Variants in C8orf34 observed in about 807,000 individuals in gnomAD.
C8orf34 encodes chromosome 8 open reading frame 34, also known as uncharacterized protein C8orf34.
In C8orf34, 65 loss-of-function variants were observed where a neutral mutation model predicts 68.3. That is an observed-to-expected ratio of 0.95 (90% CI 0.78 to 1.17). The LOEUF is 1.17. C8orf34 is among the 50% of genes most tolerant of loss of function. The pLI, the probability that C8orf34 is intolerant of heterozygous loss-of-function variation, is 0.00. For synonymous variants in C8orf34, 244 were observed against 241.2 expected (o/e 1.01, Z -0.11); for missense variants, 664 against 655.4 (o/e 1.01, Z -0.14).
intron 1 of C8orf34, among the ~76,000 whole-genome samples, chr8:68,433,686 G>C (rs1220623391): frequency 6.6e-6 from 1 of 152,174 alleles, no homozygotes; most frequent in Non-Finnish European, 1.5e-5. Flanking sequence ...CAGGAATATT[G>C]TGTACAAATC....
At chr8:68,581,097 A>T (rs1817051090) in intron 7 of C8orf34, among the ~76,000 whole-genome samples, 1 of 152,130 alleles carries the variant, frequency 6.6e-6, no homozygotes, top group African/African-American at 2.4e-5. Context: ...ATGCATATAC[A>T]TTTATTTAAT....
chr8:68,743,655 C>T (rs967580613), intron 10 of C8orf34, among the ~76,000 whole-genome samples: 4 of 152,186 alleles, frequency 2.6e-5, no homozygotes, highest in Non-Finnish European at 5.9e-5. Flanking sequence ...CACTCCCACC[C>T]GAATACTGCG....
chr8:68,768,588 A>G (rs969394169), intron 10 of C8orf34, among the ~76,000 whole-genome samples: 1 of 152,218 alleles, frequency 6.6e-6, no homozygotes, highest in African/African-American at 2.4e-5. Context: ...AGAATATCTC[A>G]TAATAACTCA....
chr8:68,787,300 A>C, intron 11 of C8orf34, 143 bp from the exon 12 acceptor site: 1 of 509,996 alleles, frequency 2.0e-6, no homozygotes, highest in Non-Finnish European at 3.5e-6. Context: ...ATGAATTTAA[A>C]GTTAGAGCTC....
intron 10 of C8orf34, among the ~76,000 whole-genome samples, chr8:68,741,348 T>C (rs552468544): frequency 6.6e-6 from 1 of 152,320 alleles, no homozygotes; most frequent in East Asian, 1.9e-4. Context: ...TGTGGGTACA[T>C]TGGTGGATAT....
intron 10 of C8orf34, among the ~76,000 whole-genome samples, chr8:68,745,382 T>C (rs1822454141): frequency 1.3e-5 from 2 of 151,764 alleles, no homozygotes; most frequent in South Asian, 4.2e-4. Context: ...TCACATATAA[T>C]AATATTACCT....
intron 1 of C8orf34, among the ~76,000 whole-genome samples, chr8:68,436,408 G>A (rs927992430): frequency 6.6e-6 from 1 of 152,168 alleles, no homozygotes; most frequent in African/African-American, 2.4e-5. Context: ...TAACTAGCCT[G>A]TGAGTGCACA....
intron 7 of C8orf34, among the ~76,000 whole-genome samples, chr8:68,560,144 GTTT>G (rs56070682): frequency 0.19 from 27,614 of 144,030 alleles, 2,999 homozygotes; most frequent in African/African-American, 0.31. Flanking sequence ...TGATTCTGGT[GTTT>G]TTTTTTTTTT....
chr8:68,610,198 T>C (rs1351361127), intron 7 of C8orf34, among the ~76,000 whole-genome samples: 1 of 152,202 alleles, frequency 6.6e-6, no homozygotes, highest in Non-Finnish European at 1.5e-5. Context: ...GTTTTTAGTA[T>C]GCAGTTCAGT....
At chr8:68,386,687 AC>A (rs1808276255) in intron 1 of C8orf34, among the ~76,000 whole-genome samples, 1 of 152,128 alleles carries the variant, frequency 6.6e-6, no homozygotes, top group Non-Finnish European at 1.5e-5. Context: ...CTTTCAAAAT[AC>A]CTTTTACCAC....
intron 8 of C8orf34, among the ~76,000 whole-genome samples, chr8:68,645,052 T>G (rs958743226): frequency 3.3e-5 from 5 of 152,180 alleles, no homozygotes; most frequent in African/African-American, 1.2e-4. Flanking sequence ...ATAATTAGTG[T>G]TAAATTATGT....
intron 6 of C8orf34, chr8:68,525,680 G>A: frequency 3.0e-6 from 2 of 666,644 alleles, no homozygotes; most frequent in Non-Finnish European, 5.6e-6. Flanking sequence ...ATGAAACCTG[G>A]GGCTGATCAC....
Position 68,503,665 on chromosome 8 carries a change from T to C in C8orf34, c.765+15614T>C, listed in dbSNP as rs145375869. Among the ~76,000 whole-genome samples, 590 of 151,534 alleles carry C rather than the reference T, an allele frequency of 3.9e-3. 3 individuals are homozygous for C. Among genetic ancestry groups the C allele is most frequent in the African/African-American group, 0.014 (570 of 41,310 alleles). On this transcript the variant is annotated intron_variant, in intron 5 of 13. Coordinates refer to ENST00000518698, the MANE Select transcript of C8orf34 (RefSeq NM_052958.4). ...TAGTTCTCAAAACGGTCCAATGGAG[T>C]AGTTATTCTCTTTTCTTTTTCTTTT...
chr8:68,433,104 C>A (rs1810515209), intron 1 of C8orf34, among the ~76,000 whole-genome samples: 1 of 152,170 alleles, frequency 6.6e-6, no homozygotes, highest in South Asian at 2.1e-4. Flanking sequence ...ACGCTCATTA[C>A]CTGCTTATTT....
At chr8:68,544,354 C>G (rs1815800419) in intron 7 of C8orf34, among the ~76,000 whole-genome samples, 1 of 152,228 alleles carries the variant, frequency 6.6e-6, no homozygotes, top group South Asian at 2.1e-4. Context: ...TTGGAAAAGT[C>G]AAATATTAGG....
chr8:68,753,549 T>A (rs1322198444), intron 10 of C8orf34, among the ~76,000 whole-genome samples: 3 of 152,216 alleles, frequency 2.0e-5, no homozygotes, highest in Admixed American at 2.0e-4. Flanking sequence ...TTGAACTTGA[T>A]CTTTGTTATC....
chr8:68,487,258 C>A (rs1813117342), intron 4 of C8orf34, among the ~76,000 whole-genome samples: 1 of 152,018 alleles, frequency 6.6e-6, no homozygotes, highest in Non-Finnish European at 1.5e-5. Flanking sequence ...GGAAAGGACC[C>A]CTATCCCTGC....
At chr8:68,509,672 G>A (rs2129633213) in intron 5 of C8orf34, among the ~76,000 whole-genome samples, 2 of 152,300 alleles carry the variant, frequency 1.3e-5, no homozygotes, top group Middle Eastern at 3.4e-3. Context: ...AAGGGGTACA[G>A]ACTGAAGATG....
At chr8:68,565,011 A>G (rs1042263915) in intron 7 of C8orf34, among the ~76,000 whole-genome samples, 13 of 152,184 alleles carry the variant, frequency 8.5e-5, no homozygotes, top group Admixed American at 1.3e-4. Flanking sequence ...TTATTCCCAT[A>G]AAAATATCTG....
Sources: allele counts gnomAD v4.1 joint callset (sites outside exome capture counted in the v4.1 genomes callset), GRCh38; gene constraint gnomAD v4.1.1; transcripts MANE v1.5; gene names NCBI Gene and HGNC (gene_info 2026-07-23, HGNC 2026-07-21).